The following CALD1 variants were observed in gnomAD, a reference collection of about 807,000 sequenced individuals.
CALD1 encodes the protein caldesmon 1, also known as caldesmon.
A neutral mutation model predicts 99.9 loss-of-function variants in CALD1; 33 were observed. The ratio of observed to expected loss-of-function variants is 0.33; its 90% CI spans 0.25 to 0.44. The LOEUF is 0.44. Ranked by LOEUF, CALD1 falls within the 20% of genes least tolerant of loss-of-function variation. The pLI, the probability that CALD1 is intolerant of heterozygous loss-of-function variation, is 1.00. For missense variants in CALD1, 861 were observed against 962.1 expected (o/e 0.89, Z 1.39); for synonymous variants, 310 against 325.0 (o/e 0.95, Z 0.50).
At chr7:134,938,351 G>A (rs1475942411) in intron 6 of CALD1, among the ~76,000 whole-genome samples, 1 of 152,076 alleles carries the variant, frequency 6.6e-6, no homozygotes, top group East Asian at 1.9e-4. Context: ...TGGCACAAGG[G>A]CCTGTCATTT....
chr7:134,888,356 C>G (rs1462749198), intron 3 of CALD1, among the ~76,000 whole-genome samples: 3 of 152,232 alleles, frequency 2.0e-5, no homozygotes, highest in Non-Finnish European at 2.9e-5. Context: ...GTTCACTTCT[C>G]AGAGACACCA....
At chr7:134,891,689 G>T (rs201422064) in intron 3 of CALD1, 1 of 1,525,226 alleles carries the variant, frequency 6.6e-7, no homozygotes, top group Non-Finnish European at 8.8e-7. Context: ...TCCTCATTTC[G>T]TCTCTTTGGT....
At chr7:134,912,414 G>T (rs546313243) in intron 3 of CALD1, among the ~76,000 whole-genome samples, 1 of 152,324 alleles carries the variant, frequency 6.6e-6, no homozygotes, top group East Asian at 1.9e-4. Flanking sequence ...GCTTCAAGCA[G>T]AGGTAACACT....
intron 3 of CALD1, among the ~76,000 whole-genome samples, chr7:134,927,054 A>G (rs1161496186): frequency 1.3e-5 from 2 of 152,158 alleles, no homozygotes; most frequent in Non-Finnish European, 2.9e-5. Flanking sequence ...AGCTTCCTAC[A>G]CAATGCAGCC....
chr7:134,822,483 A>T (rs1485146533), intron 1 of CALD1, among the ~76,000 whole-genome samples: 2 of 152,236 alleles, frequency 1.3e-5, no homozygotes, highest in Non-Finnish European at 2.9e-5. Flanking sequence ...TACAAATTTT[A>T]TTCTTCAGTT....
chr7:134,948,326 T>C (rs532959994), intron 8 of CALD1, among the ~76,000 whole-genome samples: 1 of 152,134 alleles, frequency 6.6e-6, no homozygotes, highest in South Asian at 2.1e-4. Flanking sequence ...ATACCGTGCC[T>C]GACATGCAGG....
intron 1 of CALD1, among the ~76,000 whole-genome samples, chr7:134,764,403 G>A (rs1796808123): frequency 6.6e-6 from 1 of 152,176 alleles, no homozygotes. Context: ...AGGTAGGGAT[G>A]ATATATGACT....
At chr7:134,822,382 A>G (rs755529213) in intron 1 of CALD1, among the ~76,000 whole-genome samples, 14 of 152,286 alleles carry the variant, frequency 9.2e-5, no homozygotes, top group Non-Finnish European at 1.8e-4. Context: ...ATGAAGGGAA[A>G]CTTTCTAGAA....
intron 9 of CALD1, among the ~76,000 whole-genome samples, chr7:134,952,308 A>G (rs1807405855): frequency 6.6e-6 from 1 of 152,134 alleles, no homozygotes; most frequent in East Asian, 1.9e-4. Context: ...CCCAAAAAAA[A>G]GAAAAAAAGA....
At chr7:134,841,676 C>A (rs1240991273) in intron 1 of CALD1, among the ~76,000 whole-genome samples, 1 of 152,240 alleles carries the variant, frequency 6.6e-6, no homozygotes, top group Non-Finnish European at 1.5e-5. Context: ...TTGGCACTTT[C>A]ATCTCTGGGC....
rs149685871 is a variant in CALD1 at position 134,784,791 on chromosome 7, C to T, written c.-130+5042C>T. Among the ~76,000 whole-genome samples, 602 of 152,232 alleles carry T rather than the reference C, an allele frequency of 4.0e-3. 2 individuals carry two copies. Among genetic ancestry groups the T allele is most frequent in the Non-Finnish European group, 6.6e-3 (451 of 68,016 alleles). On this transcript the variant is annotated intron_variant, in intron 1 of 14. Coordinates refer to ENST00000361675, the MANE Select transcript of CALD1 (RefSeq NM_033138.4). ...TTAGAGTCAAGGTGGGTGAGAGGAT[C>T]CCAGCCGCGGTCCATGGATATTTAC...
chr7:134,850,953 T>C (rs1205618118), intron 2 of CALD1, among the ~76,000 whole-genome samples: 2 of 152,198 alleles, frequency 1.3e-5, no homozygotes, highest in African/African-American at 2.4e-5. Context: ...TCTAGCCTGC[T>C]GCCATGTAAG....
chr7:134,843,749 ACCCCTGCC>A (rs1027299152), intron 1 of CALD1, 127 bp from the exon 2 acceptor site: 11 of 152,194 alleles, frequency 7.2e-5, no homozygotes, highest in African/African-American at 2.4e-4. Flanking sequence ...AGCTATTTCT[ACCCCTGCC>A]TTACTTCTCC....
chr7:134,768,532 G>C (rs1012330547), intron 1 of CALD1, among the ~76,000 whole-genome samples: 4 of 152,164 alleles, frequency 2.6e-5, no homozygotes, highest in Non-Finnish European at 5.9e-5. Flanking sequence ...TGCTAGTTGG[G>C]CTGGCCCCAA....
At chr7:134,785,313 T>C (rs1000783301) in intron 1 of CALD1, among the ~76,000 whole-genome samples, 6 of 152,164 alleles carry the variant, frequency 3.9e-5, no homozygotes, top group African/African-American at 1.4e-4. Context: ...AGAAAGATTT[T>C]GGGAAAAAAC....
intron 13 of CALD1, chr7:134,960,960 T>C (rs1563136288): frequency 5.8e-6 from 1 of 172,234 alleles, no homozygotes; most frequent in East Asian, 1.6e-4. Flanking sequence ...AATTTGAAAA[T>C]GAAAGGTCAC....
chr7:134,814,938 C>G (rs1798500284), intron 1 of CALD1, among the ~76,000 whole-genome samples: 2 of 152,188 alleles, frequency 1.3e-5, no homozygotes, highest in African/African-American at 2.4e-5. Context: ...CACGTGACAT[C>G]TAGGTTCCTT....
chr7:134,797,616 C>T (rs951728923), intron 1 of CALD1, among the ~76,000 whole-genome samples: 4 of 152,186 alleles, frequency 2.6e-5, no homozygotes, highest in Non-Finnish European at 5.9e-5. Flanking sequence ...ATTTTTGAGA[C>T]GGAGTCTTGC....
At chr7:134,843,014 T>G (rs1289767427) in intron 1 of CALD1, among the ~76,000 whole-genome samples, 1 of 152,214 alleles carries the variant, frequency 6.6e-6, no homozygotes, top group African/African-American at 2.4e-5. Context: ...CAATAACTAG[T>G]GCCTGGCTGT....
Sources: allele counts gnomAD v4.1 joint callset (sites outside exome capture counted in the v4.1 genomes callset), GRCh38; gene constraint gnomAD v4.1.1; transcripts MANE v1.5; gene names NCBI Gene and HGNC (gene_info 2026-07-23, HGNC 2026-07-21).